Variants in CDK14 observed in about 807,000 individuals in gnomAD.
The protein encoded by CDK14 is cyclin-dependent kinase 14.
A neutral mutation model predicts 60.7 loss-of-function variants in CDK14; 34 were observed. That is an observed-to-expected ratio of 0.56 (90% confidence interval 0.43 to 0.75). The LOEUF (loss-of-function observed/expected upper bound fraction) is 0.75. Among genes scored for constraint, CDK14 ranks in the 30% least tolerant of loss-of-function variants. The pLI is 0.00. For missense variants in CDK14, 482 were observed against 564.1 expected (o/e 0.85, Z 1.47); for synonymous variants, 197 against 203.7 (o/e 0.97, Z 0.28).
intron 9 of CDK14, among the ~76,000 whole-genome samples, chr7:90,963,088 T>C (rs10242096): frequency 5.0e-5 from 1 of 20,084 alleles, no homozygotes; most frequent in Non-Finnish European, 1.3e-4. Flanking sequence ...ATCTTAAGAG[T>C]GTGTGTGTGT....
intron 11 of CDK14, among the ~76,000 whole-genome samples, chr7:91,051,319 C>G (rs147260931): frequency 7.9e-5 from 12 of 152,302 alleles, no homozygotes; most frequent in Non-Finnish European, 1.6e-4. Context: ...GACATCCAAA[C>G]TATATCAGAG....
intron 4 of CDK14, among the ~76,000 whole-genome samples, chr7:90,778,840 T>TGACC (rs754488862): frequency 2.2e-5 from 3 of 139,180 alleles, no homozygotes; most frequent in African/African-American, 5.4e-5. Flanking sequence ...ATGTAAAAAT[T>TGACC]GACCGACCTT....
chr7:91,014,397 A>G (rs1261457428), intron 10 of CDK14, among the ~76,000 whole-genome samples: 1 of 152,146 alleles, frequency 6.6e-6, no homozygotes, highest in East Asian at 1.9e-4. Flanking sequence ...ACAGAATTTG[A>G]TATTACTTTG....
intron 6 of CDK14, among the ~76,000 whole-genome samples, chr7:90,866,918 A>C (rs1161100207): frequency 6.6e-6 from 1 of 152,094 alleles, no homozygotes; most frequent in African/African-American, 2.4e-5. Context: ...AGTGTTCTGT[A>C]ATTTAGATTC....
chr7:90,863,338 GA>G, intron 6 of CDK14, 69 bp downstream of exon 6: 1 of 926,080 alleles, frequency 1.1e-6, no homozygotes, highest in South Asian at 1.6e-5. Flanking sequence ...TGTTGTCATA[GA>G]ATTTCGTTTT....
chr7:90,883,722 T>A (rs1210854795), intron 6 of CDK14, among the ~76,000 whole-genome samples: 1 of 152,102 alleles, frequency 6.6e-6, no homozygotes, highest in Admixed American at 6.5e-5. Flanking sequence ...CAGCAGCACA[T>A]CAAAAATCTT....
At chr7:91,070,983 A>G (rs190008157) in intron 11 of CDK14, among the ~76,000 whole-genome samples, 158 of 152,318 alleles carry the variant, frequency 1.0e-3, no homozygotes, top group African/African-American at 3.6e-3. Flanking sequence ...TGTCACTTCA[A>G]ATTATCAGAG....
intron 4 of CDK14, among the ~76,000 whole-genome samples, chr7:90,776,187 A>G (rs1805037920): frequency 6.6e-6 from 1 of 152,066 alleles, no homozygotes; most frequent in Admixed American, 6.6e-5. Flanking sequence ...GAGTTCTTCC[A>G]TTCCTGGTCC....
intron 8 of CDK14, among the ~76,000 whole-genome samples, chr7:90,925,152 A>T (rs370204959): frequency 2.6e-5 from 4 of 152,220 alleles, no homozygotes; most frequent in African/African-American, 9.7e-5. Flanking sequence ...TAAAAATGGA[A>T]CATCTTTCTG....
chr7:91,054,290 AC>A (rs1797489992), intron 11 of CDK14, among the ~76,000 whole-genome samples: 1 of 152,082 alleles, frequency 6.6e-6, no homozygotes, highest in South Asian at 2.1e-4. Flanking sequence ...AAAAATTATT[AC>A]GTAAATATCT....
chr7:90,744,463 C>T (rs1398488977), intron 3 of CDK14, among the ~76,000 whole-genome samples: 1 of 152,244 alleles, frequency 6.6e-6, no homozygotes, highest in Non-Finnish European at 1.5e-5. Context: ...CCCCACTTTT[C>T]CCGCCTTTCT....
At chr7:91,092,668 TA>T (rs1798865772) in intron 12 of CDK14, among the ~76,000 whole-genome samples, 1 of 152,196 alleles carries the variant, frequency 6.6e-6, no homozygotes, top group Non-Finnish European at 1.5e-5. Context: ...GGCTGTTTGA[TA>T]ATAGCATTTC....
At chr7:91,200,134 T>C (rs960242685) in intron 14 of CDK14, among the ~76,000 whole-genome samples, 1 of 152,174 alleles carries the variant, frequency 6.6e-6, no homozygotes, top group Non-Finnish European at 1.5e-5. Flanking sequence ...TTATAACACA[T>C]TAAATTCACT....
chr7:90,667,564 A>G (rs1392690798), intron 2 of CDK14, among the ~76,000 whole-genome samples: 2 of 148,498 alleles, frequency 1.3e-5, no homozygotes, highest in African/African-American at 4.9e-5. Context: ...ATGTTGTAGC[A>G]TGTATCCGTA....
rs191026010 is a variant in CDK14, at chr7:90,880,786, G to A, written c.639+17517G>A. ...GAGTGACATCTCCAGGGACAGGAAC[G>A]AATCAGATGAATAGGGCCTGAAGTG... On this transcript the variant is annotated intron_variant, in intron 6 of 14. Coordinates refer to ENST00000380050, the MANE Select transcript of CDK14 (RefSeq NM_001287135.2). Among the ~76,000 whole-genome samples the A allele has an allele frequency of 6.6e-5, 10 of 152,160 alleles. No individual in the cohort carries two copies. In the East Asian group the frequency reaches 1.7e-3, roughly 27 times the overall value.
In CDK14 at chr7:90,887,483, T is replaced by C. The variant is rs73403558; in HGVS notation, c.640-11808T>C. 3.5e-3 allele frequency among the ~76,000 whole-genome samples: 529 copies of C among 152,318 alleles called. 6 individuals are homozygous for C. Among genetic ancestry groups the C allele is most frequent in the African/African-American group, 0.012 (495 of 41,580 alleles). ...TTTACCATTACTTTCTCTGAAAGCATTGTTATTCTACATTGTGTATAATAT... is the reference window on the plus strand; with the variant it reads ...TTTACCATTACTTTCTCTGAAAGCACTGTTATTCTACATTGTGTATAATAT... On this transcript the variant is annotated intron_variant, in intron 6 of 14. Transcript: ENST00000380050.
intron 14 of CDK14, among the ~76,000 whole-genome samples, chr7:91,126,100 A>G (rs887897480): frequency 6.6e-6 from 1 of 152,190 alleles, no homozygotes; most frequent in Admixed American, 6.6e-5. Context: ...ATATTAAGAT[A>G]CCTAGAGTTG....
chr7:91,070,205 A>T (rs1252832564), intron 11 of CDK14, among the ~76,000 whole-genome samples: 1 of 152,218 alleles, frequency 6.6e-6, no homozygotes, highest in East Asian at 1.9e-4. Context: ...TTGCTTTGCT[A>T]GAACACTTAC....
chr7:91,162,054 A>G (rs900630452), intron 14 of CDK14, among the ~76,000 whole-genome samples: 2 of 152,148 alleles, frequency 1.3e-5, no homozygotes, highest in Non-Finnish European at 2.9e-5. Flanking sequence ...GATATCTTAA[A>G]TGTTTGTTAT....
Sources: allele counts gnomAD v4.1 joint callset (sites outside exome capture counted in the v4.1 genomes callset), GRCh38; gene constraint gnomAD v4.1.1; transcripts MANE v1.5; gene names NCBI Gene and HGNC (gene_info 2026-07-23, HGNC 2026-07-21).